The following UNC13B variants were observed in gnomAD, a reference collection of about 807,000 sequenced individuals.
UNC13B encodes protein unc-13 homolog B.
In UNC13B, 144 loss-of-function variants were observed where a neutral mutation model predicts 211.0. The observed-to-expected ratio is 0.68, with a 90% CI of 0.60 to 0.78. The LOEUF is 0.78. Among genes scored for constraint, UNC13B ranks in the 30% least tolerant of loss-of-function variants. The probability of loss-of-function intolerance (pLI) is 0.00; values close to 1 mark genes in which losing one functional copy is unlikely to be tolerated. For missense variants in UNC13B, 1,777 were observed against 2,002.0 expected (o/e 0.89, Z 2.14); for synonymous variants, 709 against 725.8 (o/e 0.98, Z 0.37).
intron 1 of UNC13B, among the ~76,000 whole-genome samples, chr9:35,174,743 G>A (rs1399903293): frequency 1.3e-5 from 2 of 152,110 alleles, no homozygotes; most frequent in East Asian, 3.9e-4. Flanking sequence ...TAGAGACGGG[G>A]TTCCACTGTG....
At chr9:35,201,324 T>C (rs1823272903) in intron 1 of UNC13B, among the ~76,000 whole-genome samples, 2 of 152,258 alleles carry the variant, frequency 1.3e-5, no homozygotes, top group Admixed American at 1.3e-4. Context: ...TGCCAGGCTT[T>C]GGTATCAGGA....
intron 5 of UNC13B, among the ~76,000 whole-genome samples, chr9:35,239,439 T>G (rs766860727): frequency 6.6e-6 from 1 of 152,068 alleles, no homozygotes; most frequent in Non-Finnish European, 1.5e-5. Context: ...ATCACATGCT[T>G]CACAAGGTAA....
At chr9:35,366,560 C>T (rs556900756) in intron 11 of UNC13B, among the ~76,000 whole-genome samples, 3 of 152,298 alleles carry the variant, frequency 2.0e-5, no homozygotes, top group African/African-American at 7.2e-5. Flanking sequence ...TGGAAGAAGA[C>T]TGGACTCTAT....
At chr9:35,388,363 G>A (rs1256507442) in intron 24 of UNC13B, among the ~76,000 whole-genome samples, 6 of 152,120 alleles carry the variant, frequency 3.9e-5, no homozygotes, top group African/African-American at 1.4e-4. Flanking sequence ...AGCTGAGATC[G>A]TGCTGCTGCA....
chr9:35,226,071 A>G (rs928031934), intron 1 of UNC13B, among the ~76,000 whole-genome samples: 5 of 152,276 alleles, frequency 3.3e-5, no homozygotes, highest in African/African-American at 7.2e-5. Flanking sequence ...ACTGTCCTGC[A>G]TACTGTAGAA....
At chr9:35,202,885 C>A (rs1587362971) in intron 1 of UNC13B, among the ~76,000 whole-genome samples, 5 of 152,022 alleles carry the variant, frequency 3.3e-5, no homozygotes, top group African/African-American at 1.2e-4. Flanking sequence ...CTCTGCCTCC[C>A]AGGTTCACGC....
intron 12 of UNC13B, among the ~76,000 whole-genome samples, chr9:35,369,659 C>T (rs917439068): frequency 1.3e-5 from 2 of 152,188 alleles, no homozygotes; most frequent in Admixed American, 1.3e-4. Context: ...TTTGCTGTTT[C>T]CTTCCTAAAT....
At position 35,390,708 on chromosome 9, in the gene UNC13B, T is replaced by A; in HGVS notation, c.11302T>A (p.Leu3768Met). 1 of 1,614,004 alleles carries A rather than the reference T, an allele frequency of 6.2e-7. No individual in the cohort carries two copies. The highest frequency in any genetic ancestry group is 8.5e-7 in the Non-Finnish European group (1 of 1,179,974). The change falls in exon 26 of 40, where the codon TTG (leucine) becomes ATG (methionine). Residue 3768 changes from leucine (L) to methionine (M), a missense_variant. By Grantham distance (15) the Leu-to-Met change is conservative (BLOSUM62 2). Coordinates refer to ENST00000635942, the MANE Select transcript of UNC13B (RefSeq NM_001371189.2). Reference sequence around the variant, plus strand: ...GTTTGCCCAAGACATGAAATATGCATTGGAGGGTAAGGATCTGTTCAAATC... The same window carrying A: ...GTTTGCCCAAGACATGAAATATGCAATGGAGGGTAAGGATCTGTTCAAATC... ...HLFAQDMKYA[L>M]EEHEKDHLCK... is the part of the protein sequence containing the mutation.
At chr9:35,261,193 C>T (rs553459787) in intron 7 of UNC13B, among the ~76,000 whole-genome samples, 2 of 152,280 alleles carry the variant, frequency 1.3e-5, no homozygotes, top group African/African-American at 4.8e-5. Flanking sequence ...CCTCATCCCC[C>T]TCTTATTTTT....
intron 11 of UNC13B, among the ~76,000 whole-genome samples, chr9:35,365,388 C>A (rs1833711072): frequency 6.6e-6 from 1 of 152,144 alleles, no homozygotes; most frequent in African/African-American, 2.4e-5. Context: ...TGTTGTTATC[C>A]CTTCTGAGCA....
intron 11 of UNC13B, among the ~76,000 whole-genome samples, chr9:35,328,373 A>G (rs1010207012): frequency 3.9e-5 from 6 of 151,990 alleles, no homozygotes; most frequent in African/African-American, 9.7e-5. Flanking sequence ...TCCCACCTCT[A>G]TTGACACTGA....
rs768906359 is a variant in UNC13B, at chr9:35,399,711, C to T, written c.12318C>T (p.Leu4106=). 5.0e-6 allele frequency: 8 copies of T among 1,614,112 alleles called. No homozygotes were observed. Among genetic ancestry groups the T allele is most frequent in the Admixed American group, 1.7e-5 (1 of 60,012 alleles). The change falls in exon 36 of 40, where the codon CTC becomes CTT. Residue 4106 remains leucine (L), a synonymous_variant. Transcript: ENST00000635942. ...CAAAGCAGTGTGCAGTCCTTGACCT[C>T]GCCCTGGACACCATCAAGGTGGAGG... ...LTPKQCAVLD[L]ALDTIKQYFH...
chr9:35,322,329 C>T (rs183403505), intron 11 of UNC13B, among the ~76,000 whole-genome samples: 12 of 152,020 alleles, frequency 7.9e-5, no homozygotes, highest in Admixed American at 5.2e-4. Flanking sequence ...GCTCTAGAAA[C>T]GGAGATTGCG....
At chr9:35,196,465 G>A (rs1012662851) in intron 1 of UNC13B, among the ~76,000 whole-genome samples, 8 of 152,146 alleles carry the variant, frequency 5.3e-5, no homozygotes, top group South Asian at 2.1e-4. Flanking sequence ...ACTCAGGAGC[G>A]GAAGTTACAT....
intron 8 of UNC13B, among the ~76,000 whole-genome samples, chr9:35,296,703 C>G (rs539047865): frequency 9.9e-5 from 15 of 152,242 alleles, no homozygotes; most frequent in African/African-American, 2.9e-4. Context: ...AACATTTTAC[C>G]ACATTTACTT....
chr9:35,354,464 C>T (rs761196907), intron 11 of UNC13B, among the ~76,000 whole-genome samples: 2 of 152,160 alleles, frequency 1.3e-5, no homozygotes, highest in Admixed American at 6.5e-5. Flanking sequence ...TAGAGCCCAA[C>T]GTTGCCCTCC....
intron 1 of UNC13B, among the ~76,000 whole-genome samples, chr9:35,199,452 C>A (rs1159034340): frequency 6.6e-6 from 1 of 152,122 alleles, no homozygotes; most frequent in East Asian, 1.9e-4. Context: ...AGTTTACAGT[C>A]CCACCAACAG....
chr9:35,368,871 A>G (rs1047986148), intron 12 of UNC13B, among the ~76,000 whole-genome samples: 2 of 152,170 alleles, frequency 1.3e-5, no homozygotes, highest in African/African-American at 4.8e-5. Flanking sequence ...AATTAGCTAC[A>G]AAGTTGTGGC....
At chr9:35,283,542 A>C (rs1478336443) in intron 7 of UNC13B, among the ~76,000 whole-genome samples, 1 of 149,268 alleles carries the variant, frequency 6.7e-6, no homozygotes, top group Non-Finnish European at 1.5e-5. Context: ...ACTTTCTTCT[A>C]CAAACATTTT....
Sources: gnomAD v4.1 joint callset for allele counts (sites outside exome capture counted in the v4.1 genomes callset) on GRCh38, gnomAD v4.1.1 for gene constraint, MANE v1.5 for transcripts, NCBI Gene and HGNC (gene_info 2026-07-23, HGNC 2026-07-21) for gene names.